IPO7: variants seen among roughly 807,000 people sequenced by gnomAD.
The protein encoded by IPO7 is importin-7.
Under a neutral mutation model 136.4 loss-of-function variants are expected in IPO7, and 13 were observed. The observed-to-expected ratio is 0.10, with a 90% CI of 0.06 to 0.15. The LOEUF (loss-of-function observed/expected upper bound fraction) is 0.15. IPO7 is among the 10% of genes least tolerant of loss of function. The probability of loss-of-function intolerance (pLI) is 1.00; values close to 1 mark genes in which losing one functional copy is unlikely to be tolerated. For missense variants in IPO7, 857 were observed against 1,240.6 expected (o/e 0.69, Z 4.65); for synonymous variants, 403 against 404.4 (o/e 1.00, Z 0.04).
chr11:9,398,133 C>G (rs1004621099), intron 1 of IPO7, among the ~76,000 whole-genome samples: 1 of 152,132 alleles, frequency 6.6e-6, no homozygotes, highest in Non-Finnish European at 1.5e-5. Flanking sequence ...ATATAAAAAC[C>G]TTTCTCACTC....
chr11:9,421,875 T>C (rs1241917168), intron 8 of IPO7, among the ~76,000 whole-genome samples: 3 of 150,004 alleles, frequency 2.0e-5, no homozygotes, highest in Non-Finnish European at 4.4e-5. Context: ...ACCTGGGGGG[T>C]GCAGCTTGCG....
At chr11:9,423,397 A>G (rs1277332898) in intron 9 of IPO7, among the ~76,000 whole-genome samples, 2 of 152,206 alleles carry the variant, frequency 1.3e-5, no homozygotes, top group Non-Finnish European at 2.9e-5. Context: ...ATATTGGACT[A>G]TGATTATATT....
intron 1 of IPO7, among the ~76,000 whole-genome samples, chr11:9,390,065 A>G (rs1307761451): frequency 6.6e-6 from 1 of 151,488 alleles, no homozygotes; most frequent in Non-Finnish European, 1.5e-5. Flanking sequence ...CTAATTTTAT[A>G]TTTTTAGTAG....
chr11:9,415,029 G>A (rs1473583633), intron 5 of IPO7, among the ~76,000 whole-genome samples: 1 of 151,978 alleles, frequency 6.6e-6, no homozygotes, highest in African/African-American at 2.4e-5. Context: ...AGGAATTAAT[G>A]AATCTGGGCC....
At chr11:9,438,313 A>G (rs1220212262) in intron 22 of IPO7, 28 bp downstream of exon 22, 1 of 1,332,424 alleles carries the variant, frequency 7.5e-7, no homozygotes, top group Non-Finnish European at 1.1e-6. Flanking sequence ...GAAGAAGACA[A>G]AACTTATCTA....
Position 9,437,949 on chromosome 11 carries a change from C to T in IPO7, c.2464C>T (p.Leu822Phe). 2 of 1,611,526 alleles carry T rather than the reference C, an allele frequency of 1.2e-6. No individual in the cohort carries two copies. Among genetic ancestry groups the T allele is most frequent in the Non-Finnish European group, 8.5e-7 (1 of 1,179,342 alleles). ...TACAAATCATTTTATTACACAGTGG[C>T]TTAATGATGTTGACTGTTTCTTGGG... ...PVTNHFITQWLNDVDCFLGLH... is the reference protein window; with the variant it reads ...PVTNHFITQWFNDVDCFLGLH... Residue 822 changes from leucine (L) to phenylalanine (F), a missense_variant, in exon 21 of 25, where the codon CTT (leucine) becomes TTT (phenylalanine). Around this residue, in one of 11 missense-constraint regions of IPO7, gnomAD observed 190 missense variants for 249.0 expected, o/e 0.76. Coordinates refer to ENST00000379719, the MANE Select transcript of IPO7 (RefSeq NM_006391.3).
rs761294342 is a variant in IPO7 at position 9,447,473 on chromosome 11, A to G, written c.*2279A>G. ...AGTTTTCATGATTTCCTTTAACATTATAATTTGGTATAGATCAAGAATCTT... is the reference window on the plus strand; with the variant it reads ...AGTTTTCATGATTTCCTTTAACATTGTAATTTGGTATAGATCAAGAATCTT... On this transcript the variant is annotated 3_prime_UTR_variant, in exon 25 of 25. Transcript: ENST00000379719. The G allele has an allele frequency of 6.6e-6, 1 of 152,192 alleles. No individual in the cohort carries two copies. Among genetic ancestry groups the G allele is most frequent in the Non-Finnish European group, 1.5e-5 (1 of 68,030 alleles). 9.4% of individuals were successfully genotyped at this position (152,192 alleles called of 1,614,324 possible).
chr11:9,435,989 G>A (rs756131487), intron 19 of IPO7, among the ~76,000 whole-genome samples: 1 of 152,194 alleles, frequency 6.6e-6, no homozygotes, highest in African/African-American at 2.4e-5. Flanking sequence ...TCAACTTGCT[G>A]TAATCCAGAA....
Position 9,408,558 on chromosome 11 carries a change from C to G in IPO7, c.239C>G (p.Pro80Arg), listed in dbSNP as rs554185877. Residue 80 changes from proline to arginine, a missense_variant, in exon 3 of 25, where the codon CCT becomes CGT. This residue lies in a region of IPO7 where 287 missense variants were observed against 307.5 expected (regional missense o/e 0.93). Coordinates refer to ENST00000379719, the MANE Select transcript of IPO7 (RefSeq NM_006391.3). Reference sequence around the variant, plus strand: ...GAAACAGCACCAGGGGATATATCCCCTTATACTATTCCAGAAGAAGATCGC... The same window carrying G: ...GAAACAGCACCAGGGGATATATCCCGTTATACTATTCCAGAAGAAGATCGC... ...DRETAPGDIS[P>R]YTIPEEDRHC... is the part of the protein sequence containing the mutation. 2 of 1,610,410 alleles carry G rather than the reference C, an allele frequency of 1.2e-6. No individual in the cohort carries two copies. Among genetic ancestry groups the G allele is most frequent in the African/African-American group, 2.7e-5 (2 of 74,822 alleles).
intron 8 of IPO7, among the ~76,000 whole-genome samples, chr11:9,421,078 C>A (rs1855120656): frequency 6.6e-6 from 1 of 152,038 alleles, no homozygotes; most frequent in Admixed American, 6.5e-5. Context: ...CCTGCCTCAT[C>A]AGCCTCCCGA....
chr11:9,424,827 A>T (rs1194097134), intron 10 of IPO7, 87 bp from the exon 11 acceptor site: 4 of 858,078 alleles, frequency 4.7e-6, no homozygotes, highest in Admixed American at 2.3e-5. Flanking sequence ...GATCATTTTC[A>T]TACCTTATGT....
intron 5 of IPO7, among the ~76,000 whole-genome samples, chr11:9,416,222 T>C (rs573326740): frequency 6.6e-6 from 1 of 152,320 alleles, no homozygotes; most frequent in South Asian, 2.1e-4. Context: ...AGACTGTACT[T>C]GCCTAACTCT....
In IPO7 at chr11:9,445,136, G is replaced by A; in HGVS notation, c.3059G>A (p.Ser1020Asn). Residue 1020 changes from serine (S) to asparagine (N), a missense_variant, in exon 25 of 25, where the codon AGT becomes AAT. Physicochemically the swap from Ser to Asn is conservative, Grantham distance 46. This residue lies in a region of IPO7 where 3 missense variants were observed against 23.4 expected (regional missense o/e 0.13). Coordinates refer to ENST00000379719, the MANE Select transcript of IPO7 (RefSeq NM_006391.3). ...GAGAAGCATGGAGGATACAAATTCA[G>A]TGCTCCAGTTGTGCCAAGTTCTTTC... ...MIEKHGGYKF[S>N]APVVPSSFNF... 13 of 1,612,632 alleles carry A rather than the reference G, an allele frequency of 8.1e-6. No individual in the cohort carries two copies. The highest frequency in any genetic ancestry group is 1.0e-5 in the Non-Finnish European group (12 of 1,178,686).
At position 9,430,858 on chromosome 11, in the gene IPO7, T is replaced by C. The variant is rs1855284250; in HGVS notation, c.1753-17T>C. On this transcript the variant is annotated splice_polypyrimidine_tract_variant and intron_variant, in intron 15 of 24. Coordinates refer to ENST00000379719, the MANE Select transcript of IPO7 (RefSeq NM_006391.3). ...ATGCTTCAGTGACAAACTTGAGTTA[T>C]ATTCTCTTGAATCTAGGCAATGACA... 2.5e-6 allele frequency: 4 copies of C among 1,608,856 alleles called. No individual in the cohort carries two copies. Among genetic ancestry groups the C allele is most frequent in the African/African-American group, 2.7e-5 (2 of 74,822 alleles).
chr11:9,412,843 A>T (rs1854986608), intron 4 of IPO7, among the ~76,000 whole-genome samples: 1 of 147,090 alleles, frequency 6.8e-6, no homozygotes, highest in Admixed American at 6.9e-5. Context: ...AAAAAAAAGG[A>T]TACTGGAATT....
chr11:9,438,339 G>A (rs549070046), intron 22 of IPO7, 54 bp downstream of exon 22: 12 of 1,157,628 alleles, frequency 1.0e-5, no homozygotes, highest in East Asian at 2.4e-5. Flanking sequence ...AAATATTACC[G>A]CACTGGGCCG....
In IPO7 at chr11:9,423,042, C is replaced by A; in HGVS notation, c.943C>A (p.Gln315Lys). 6.2e-7 allele frequency: 1 copy of A among 1,603,042 alleles called. No individual in the cohort carries two copies. Among genetic ancestry groups the A allele is most frequent in the South Asian group, 1.1e-5 (1 of 90,192 alleles). The change falls in exon 9 of 25, where the codon CAA (glutamine) becomes AAA (lysine). Residue 315 changes from glutamine to lysine, a missense_variant. Physicochemically the swap from Gln to Lys is moderately conservative, Grantham distance 53 (BLOSUM62 1). Transcript: ENST00000379719. Reference sequence around the variant, plus strand: ...GGTGTTATATCAGTACAAGGAGAAGCAATATATGGCTCCTCGAGTTTTACA... The same window carrying A: ...GGTGTTATATCAGTACAAGGAGAAGAAATATATGGCTCCTCGAGTTTTACA... ...LKVLYQYKEK[Q>K]YMAPRVLQQT...
At chr11:9,386,169 G>T (rs966668589) in intron 1 of IPO7, among the ~76,000 whole-genome samples, 7 of 152,168 alleles carry the variant, frequency 4.6e-5, no homozygotes, top group Non-Finnish European at 1.0e-4. Flanking sequence ...ACTACCTACA[G>T]AGTTTACACA....
At position 9,408,710 on chromosome 11, in the gene IPO7, T is replaced by G. The variant is rs896072296; in HGVS notation, c.320+71T>G. The G allele has an allele frequency of 3.7e-5, 35 of 938,066 alleles. No homozygotes were observed. The East Asian group carries it at 7.8e-4, about 21-fold the overall frequency. 58.1% of individuals were successfully genotyped at this position (938,066 alleles called of 1,614,324 possible). On this transcript the variant is annotated intron_variant, in intron 3 of 24. Coordinates refer to ENST00000379719, the MANE Select transcript of IPO7 (RefSeq NM_006391.3). ...CAGGGTTTTTTGTTTTTTGGTTTTTTTTTTTTTTTTTTTTTTTTTTGAGAT... is the reference window on the plus strand; with the variant it reads ...CAGGGTTTTTTGTTTTTTGGTTTTTGTTTTTTTTTTTTTTTTTTTTGAGAT...
Sources: gnomAD v4.1 joint callset for allele counts (sites outside exome capture counted in the v4.1 genomes callset) on GRCh38, gnomAD v4.1.1 for gene constraint, gnomAD v4.1.1 regional missense constraint, MANE v1.5 for transcripts, NCBI Gene and HGNC (gene_info 2026-07-23, HGNC 2026-07-21) for gene names.